The following ZNF248 variants were observed in gnomAD, a reference collection of about 807,000 sequenced individuals.
The protein encoded by ZNF248 is KRAB protein domain.
In ZNF248, 20 loss-of-function variants were observed where a neutral mutation model predicts 44.3. The observed-to-expected ratio is 0.45, with a 90% CI of 0.32 to 0.66. The LOEUF is 0.66. Among genes scored for constraint, ZNF248 ranks in the 30% least tolerant of loss-of-function variants. The pLI is 0.04. For synonymous variants in ZNF248, 224 were observed against 229.0 expected, an observed-to-expected ratio of 0.98 and a Z score of 0.20; for missense variants, 654 against 677.0, an observed-to-expected ratio of 0.97 and a Z score of 0.38.
At chr10:37,853,505 G>A (rs1031871383) in intron 3 of ZNF248, among the ~76,000 whole-genome samples, 2 of 152,122 alleles carry the variant, frequency 1.3e-5, no homozygotes, top group African/African-American at 2.4e-5. Context: ...AGCCTCCCGA[G>A]TAGCTGGGAC....
Position 37,832,403 on chromosome 10 carries a change from C to G in ZNF248, c.952G>C (p.Ala318Pro). ...DNSAFIIHQG[A>P]YTRKILREYK... ...TCACGGAGAATCTTTCTTGTGTAAG[C>G]TCCCTGATGGATAATGAAAGCTGAA... is the stretch of plus-strand genomic sequence containing the variant. Residue 318 changes from alanine (A) to proline (P), a missense_variant, in exon 6 of 6, where the codon GCT becomes CCT. Transcript: ENST00000395867. The G allele has an allele frequency of 6.2e-7, 1 of 1,614,022 alleles. No homozygotes were observed.
At chr10:37,813,863 G>A (rs1281648923) in intron 6 of ZNF248, among the ~76,000 whole-genome samples, 2 of 152,116 alleles carry the variant, frequency 1.3e-5, no homozygotes, top group Non-Finnish European at 2.9e-5. Flanking sequence ...ACTTGCATGG[G>A]ATATCTCTTT....
At position 37,832,108 on chromosome 10, in the gene ZNF248, G is replaced by C; in HGVS notation, c.1247C>G (p.Ala416Gly). 6.2e-7 allele frequency: 1 copy of C among 1,613,878 alleles called. No individual in the cohort carries two copies. Among genetic ancestry groups the C allele is most frequent in the African/African-American group, 1.3e-5 (1 of 74,984 alleles). Residue 416 changes from alanine to glycine, a missense_variant, in exon 6 of 6, where the codon GCC becomes GGC. Ala to Gly is a moderately conservative substitution (Grantham distance 60). Coordinates refer to ENST00000395867, the MANE Select transcript of ZNF248 (RefSeq NM_021045.3). ...KPYECTECGK[A>G]FCQKPHLTNH... is the part of the protein sequence containing the mutation. ...GGTCAGGTGTGGTTTCTGGCAAAAG[G>C]CTTTCCCACATTCAGTACATTCATA...
chr10:37,830,652 AAATT>A lies in ZNF248; in HGVS notation c.*959_*962del. 2.1e-6 allele frequency: 2 copies of A among 967,950 alleles called. No homozygotes were observed. Among genetic ancestry groups the A allele is most frequent in the Non-Finnish European group, 2.5e-6 (2 of 813,972 alleles). 60.0% of individuals were successfully genotyped at this position (967,950 alleles called of 1,614,324 possible). On this transcript the variant is annotated 3_prime_UTR_variant, in exon 6 of 6. Coordinates refer to ENST00000395867, the MANE Select transcript of ZNF248 (RefSeq NM_021045.3). ...ATATTTGACAGCAGGTTCTCTGAGA[AAATT>A]AAAACCCTGATTTATAGTTTGTCAA...
intron 6 of ZNF248, among the ~76,000 whole-genome samples, chr10:37,815,029 A>T (rs1364708186): frequency 6.6e-6 from 1 of 151,994 alleles, no homozygotes; most frequent in East Asian, 1.9e-4. Flanking sequence ...CATCCACTTG[A>T]TGGTGTCCCA....
chr10:37,784,610 A>G (rs2047674909), intron 6 of ZNF248, among the ~76,000 whole-genome samples: 1 of 152,210 alleles, frequency 6.6e-6, no homozygotes, highest in Non-Finnish European at 1.5e-5. Context: ...ATCCTTTTCA[A>G]CTTCCCTGAA....
At chr10:37,816,462 C>T (rs1007634530) in intron 6 of ZNF248, among the ~76,000 whole-genome samples, 18 of 152,160 alleles carry the variant, frequency 1.2e-4, no homozygotes, top group East Asian at 3.9e-4. Context: ...ATTAACCACA[C>T]GTAACCACAA....
chr10:37,811,616 C>T (rs1386171000), intron 6 of ZNF248, among the ~76,000 whole-genome samples: 1 of 150,976 alleles, frequency 6.6e-6, no homozygotes, highest in Non-Finnish European at 1.5e-5. Context: ...GGACAGACTG[C>T]TTGAGCCCAA....
rs773921163 is a variant in ZNF248 at position 37,832,720 on chromosome 10, T to A, written c.635A>T (p.Gln212Leu). 7 of 1,613,640 alleles carry A rather than the reference T, an allele frequency of 4.3e-6. No homozygotes were observed. In the South Asian group the frequency reaches 5.5e-5, roughly 13 times the overall value. Residue 212 changes from glutamine (Q) to leucine (L), a missense_variant, in exon 6 of 6, where the codon CAA (glutamine) becomes CTA (leucine). Gln to Leu is a moderately radical substitution (Grantham distance 113). Coordinates refer to ENST00000395867, the MANE Select transcript of ZNF248 (RefSeq NM_021045.3). The part of the protein sequence containing the change: ...HQDLSQPSFG[Q>L]SFEYSKNGQG... The stretch of plus-strand genomic sequence containing the variant: ...TCCATTTTTACTATACTCAAAAGAT[T>A]GGCCAAAACTTGGCTGACTGAGATC...
chr10:37,769,644 T>C, the ZNF248 span, among the ~76,000 whole-genome samples: 1 of 152,294 alleles, frequency 6.6e-6, no homozygotes, highest in East Asian at 1.9e-4. Context: ...GAGCTATCTA[T>C]GACAAACCCA....
intron 6 of ZNF248, among the ~76,000 whole-genome samples, chr10:37,817,901 TTTTA>T (rs1039175702): frequency 2.6e-5 from 4 of 151,928 alleles, no homozygotes; most frequent in Non-Finnish European, 4.4e-5. Flanking sequence ...GTATTTTCTT[TTTTA>T]TTTATTATTT....
chr10:37,799,743 C>T (rs1332036597), intron 6 of ZNF248, among the ~76,000 whole-genome samples: 2 of 152,112 alleles, frequency 1.3e-5, no homozygotes, highest in African/African-American at 4.8e-5. Context: ...CATAGTAATA[C>T]ATGTAATGAT....
intron 3 of ZNF248, among the ~76,000 whole-genome samples, chr10:37,854,539 A>G (rs930481384): frequency 1.3e-5 from 2 of 152,230 alleles, no homozygotes; most frequent in African/African-American, 4.8e-5. Context: ...CTTTTTACCT[A>G]TCGGTTGCCC....
At chr10:37,770,793 G>A in the ZNF248 span, among the ~76,000 whole-genome samples, 1 of 152,042 alleles carries the variant, frequency 6.6e-6, no homozygotes, top group Non-Finnish European at 1.5e-5. Context: ...AAACTAAAGA[G>A]CTTCTGCACA....
chr10:37,834,457 T>C lies in ZNF248; in HGVS notation c.239-1341A>G, dbSNP rs574716990. Among the ~76,000 whole-genome samples the C allele has an allele frequency of 1.1e-4, 16 of 152,294 alleles. 1 individual carries two copies. The South Asian group carries it at 2.9e-3, about 28-fold the overall frequency. On this transcript the variant is annotated intron_variant, in intron 5 of 5. Coordinates refer to ENST00000395867, the MANE Select transcript of ZNF248 (RefSeq NM_021045.3). Reference sequence around the variant, plus strand: ...GAATATGTATTTAGGAAGAGTATCATAGAATACTTTCAGAATGTATGAAAA... The same window carrying C: ...GAATATGTATTTAGGAAGAGTATCACAGAATACTTTCAGAATGTATGAAAA...
At chr10:37,770,427 T>C in the ZNF248 span, among the ~76,000 whole-genome samples, 3 of 152,238 alleles carry the variant, frequency 2.0e-5, no homozygotes, top group Non-Finnish European at 4.4e-5. Flanking sequence ...AAAACAGATA[T>C]AGATCAATAG....
At position 37,832,868 on chromosome 10, in the gene ZNF248, T is replaced by C. The variant is rs1379489112; in HGVS notation, c.487A>G (p.Lys163Glu). The change falls in exon 6 of 6, where the codon AAG becomes GAG. Residue 163 changes from lysine (K) to glutamate (E), a missense_variant. Lys to Glu is a moderately conservative substitution (Grantham distance 56). Coordinates refer to ENST00000395867, the MANE Select transcript of ZNF248 (RefSeq NM_021045.3). ...LIISKKNCSRKKPDEFNVCEK... is the reference protein window; with the variant it reads ...LIISKKNCSREKPDEFNVCEK... ...CATACATTAAACTCATCAGGCTTCT[T>C]TCTGGAACAGTTCTTTTTACTAATA... 3 of 1,613,682 alleles carry C rather than the reference T, an allele frequency of 1.9e-6. No homozygotes were observed. Among genetic ancestry groups the C allele is most frequent in the Non-Finnish European group, 2.5e-6 (3 of 1,179,822 alleles).
intron 3 of ZNF248, among the ~76,000 whole-genome samples, chr10:37,851,808 C>CAG (rs2060300443): frequency 7.3e-6 from 1 of 136,608 alleles, no homozygotes; most frequent in Non-Finnish European, 1.5e-5. Context: ...GTGCTAACAC[C>CAG]AAGTGATGGC....
intron 3 of ZNF248, among the ~76,000 whole-genome samples, chr10:37,855,821 T>C (rs1048818592): frequency 4.6e-5 from 7 of 152,254 alleles, no homozygotes; most frequent in Admixed American, 3.9e-4. Context: ...AAGTCGGAAC[T>C]GTCAGTGATT....
Sources: allele counts gnomAD v4.1 joint callset (sites outside exome capture counted in the v4.1 genomes callset), GRCh38; gene constraint gnomAD v4.1.1; transcripts MANE v1.5; gene names NCBI Gene and HGNC (gene_info 2026-07-23, HGNC 2026-07-21).